The following ATF6 variants were observed in gnomAD, a reference collection of about 807,000 sequenced individuals.
ATF6 encodes cyclic AMP-dependent transcription factor ATF-6 alpha.
ATF6 carries 53 observed loss-of-function variants against 83.6 expected under a neutral mutation model. The ratio of observed to expected loss-of-function variants is 0.63; its 90% CI spans 0.51 to 0.80. The LOEUF (loss-of-function observed/expected upper bound fraction) is 0.80. ATF6 is among the 30% of genes least tolerant of loss of function. The pLI is 0.00. For missense variants in ATF6, 744 were observed against 797.9 expected (o/e 0.93, Z 0.81); for synonymous variants, 288 against 285.8 (o/e 1.01, Z -0.08).
Position 161,781,910 on chromosome 1 carries a change from A to G in ATF6, c.160-2A>G, listed in dbSNP as rs1296658045. On this transcript the variant is annotated splice_acceptor_variant, in intron 2 of 15. Transcript: ENST00000367942. LOFTEE classifies it high-confidence loss of function. ...ATTCTTTTGCTGATTTGAAACCTAC[A>G]GGAAAACAATTTTGATAATCTTGAT... 1.4e-5 allele frequency: 22 copies of G among 1,598,134 alleles called. No homozygotes were observed. The highest frequency in any genetic ancestry group is 1.7e-5 in the Non-Finnish European group (20 of 1,170,046).
intron 4 of ATF6, among the ~76,000 whole-genome samples, chr1:161,786,781 T>C (rs1359980981): frequency 6.6e-6 from 1 of 152,204 alleles, no homozygotes; most frequent in African/African-American, 2.4e-5. Flanking sequence ...AAATAAACAT[T>C]AATATGTTAC....
rs1684899820 is a variant in ATF6 at position 161,792,253 on chromosome 1, T to C, written c.614T>C (p.Ile205Thr). The C allele has an allele frequency of 6.2e-7, 1 of 1,614,020 alleles. No individual in the cohort carries two copies. The highest frequency in any genetic ancestry group is 1.3e-5 in the African/African-American group (1 of 74,928). Reference protein sequence around the residue: ...NSSVPAKTIIIQTVPTLMPLA... With the variant: ...NSSVPAKTIITQTVPTLMPLA... ...AGTGTTCCAGCAAAAACCATCATTA[T>C]TCAGACAGTACCAACGCTTATGCCA... Residue 205 changes from isoleucine to threonine, a missense_variant, in exon 6 of 16, where the codon ATT (isoleucine) becomes ACT (threonine). Ile to Thr is a moderately conservative substitution (Grantham distance 89). Transcript: ENST00000367942.
chr1:161,923,146 C>A (rs10753679), intron 15 of ATF6, among the ~76,000 whole-genome samples: 96,098 of 151,950 alleles, frequency 0.63, 32,113 homozygotes, highest in Non-Finnish European at 0.75. Flanking sequence ...TCCACTGAAC[C>A]TCCTTAATGT....
intron 15 of ATF6, among the ~76,000 whole-genome samples, chr1:161,936,357 A>G (rs1488520648): frequency 6.6e-6 from 1 of 152,132 alleles, no homozygotes; most frequent in Admixed American, 6.5e-5. Flanking sequence ...TTTATGGGGT[A>G]TGTGACATGT....
intron 10 of ATF6, among the ~76,000 whole-genome samples, 187 bp from the exon 11 acceptor site, chr1:161,851,535 T>C (rs1207273701): frequency 1.3e-5 from 2 of 152,222 alleles, no homozygotes; most frequent in Non-Finnish European, 2.9e-5. Context: ...ATCCTGTCTC[T>C]GTAGAAAATC....
rs1032980723 is a variant in ATF6, at chr1:161,960,470, T to G, written c.*1816T>G. The G allele has an allele frequency of 3.3e-5, 5 of 152,234 alleles. No homozygotes were observed. The highest frequency in any genetic ancestry group is 6.5e-5 in the Admixed American group (1 of 15,278). 9.4% of individuals were successfully genotyped at this position (152,234 alleles called of 1,614,324 possible). On this transcript the variant is annotated 3_prime_UTR_variant, in exon 16 of 16. Coordinates refer to ENST00000367942, the MANE Select transcript of ATF6 (RefSeq NM_007348.4). ...TGTGAAATTAGGTCTGGCTCCTAAA[T>G]AATTTTAAAGAACCATCAGCACTTC...
Position 161,962,841 on chromosome 1 carries a change from C to T in ATF6, c.*4187C>T, listed in dbSNP as rs776263706. On this transcript the variant is annotated 3_prime_UTR_variant, in exon 16 of 16. Coordinates refer to ENST00000367942, the MANE Select transcript of ATF6 (RefSeq NM_007348.4). ...GCCAAAATTGATAGACACTTATTACCACCTGTGGACTCCATATTCCTTACC... is the reference window on the plus strand; with the variant it reads ...GCCAAAATTGATAGACACTTATTACTACCTGTGGACTCCATATTCCTTACC... 4 of 152,194 alleles carry T rather than the reference C, an allele frequency of 2.6e-5. No homozygotes were observed. The highest frequency in any genetic ancestry group is 6.5e-5 in the Admixed American group (1 of 15,282). The allele number at this position is 152,194 out of a possible 1,614,324, so 9.4% of individuals were successfully genotyped here.
At chr1:161,918,571 G>A (rs568950849) in intron 15 of ATF6, among the ~76,000 whole-genome samples, 2 of 152,256 alleles carry the variant, frequency 1.3e-5, no homozygotes, top group Non-Finnish European at 2.9e-5. Context: ...TTTAAGTTAT[G>A]TAGGCACAAA....
intron 1 of ATF6, among the ~76,000 whole-genome samples, chr1:161,772,721 G>A (rs1174173893): frequency 6.8e-6 from 1 of 147,684 alleles, no homozygotes. Flanking sequence ...GTTTCTCCTA[G>A]AAGTACTGTT....
At chr1:161,929,164 G>A (rs901535566) in intron 15 of ATF6, among the ~76,000 whole-genome samples, 1 of 152,160 alleles carries the variant, frequency 6.6e-6, no homozygotes, top group African/African-American at 2.4e-5. Flanking sequence ...CTACTTTTTA[G>A]GTGCTGTGTA....
intron 10 of ATF6, among the ~76,000 whole-genome samples, chr1:161,847,845 A>C (rs1686520317): frequency 6.6e-6 from 1 of 152,126 alleles, no homozygotes; most frequent in South Asian, 2.1e-4. Context: ...TGAATGCTTG[A>C]AATTACAGTT....
chr1:161,799,278 A>G (rs1484056369), intron 6 of ATF6, among the ~76,000 whole-genome samples: 1 of 152,228 alleles, frequency 6.6e-6, no homozygotes, highest in Non-Finnish European at 1.5e-5. Context: ...TGTTCTTTGC[A>G]GCAACATGGA....
chr1:161,903,812 T>G (rs1309308363), intron 14 of ATF6, among the ~76,000 whole-genome samples: 11 of 152,068 alleles, frequency 7.2e-5, no homozygotes, highest in Admixed American at 5.2e-4. Context: ...AGCTCCAGAG[T>G]CCATCCTTTT....
intron 10 of ATF6, among the ~76,000 whole-genome samples, 195 bp from the exon 11 acceptor site, chr1:161,851,527 C>A: frequency 6.6e-6 from 1 of 152,154 alleles, no homozygotes; most frequent in South Asian, 2.1e-4. Context: ...GAATTACCAT[C>A]CTGTCTCTGT....
rs566533189 is a variant in ATF6, at chr1:161,946,928, G to A, written c.1805-11518G>A. 2.6e-5 allele frequency among the ~76,000 whole-genome samples: 4 copies of A among 152,202 alleles called. No homozygotes were observed. In the South Asian group the frequency reaches 6.2e-4, roughly 24 times the overall value. ...CATTTATTCATCAGAGCATTTTATG[G>A]TTAATTCACTGTTCAATTTTCTAAA... On this transcript the variant is annotated intron_variant, in intron 15 of 15. Coordinates refer to ENST00000367942, the MANE Select transcript of ATF6 (RefSeq NM_007348.4).
intron 14 of ATF6, among the ~76,000 whole-genome samples, chr1:161,885,612 AG>A (rs1198249365): frequency 1.3e-5 from 2 of 152,000 alleles, no homozygotes; most frequent in African/African-American, 2.4e-5. Context: ...TTTTTTTCAG[AG>A]GAAAAAAGAA....
intron 9 of ATF6, among the ~76,000 whole-genome samples, chr1:161,846,022 GACTTTTA>G (rs1407122163): frequency 6.6e-6 from 1 of 151,998 alleles, no homozygotes; most frequent in African/African-American, 2.4e-5. Flanking sequence ...CAATGAATTT[GACTTTTA>G]TTCCTACTTC....
intron 14 of ATF6, among the ~76,000 whole-genome samples, chr1:161,867,831 C>T (rs1687038789): frequency 1.3e-5 from 2 of 152,166 alleles, no homozygotes; most frequent in Admixed American, 1.3e-4. Context: ...CATATGACTG[C>T]CTGAGAGATG....
chr1:161,929,799 G>GA (rs1688394602), intron 15 of ATF6, among the ~76,000 whole-genome samples: 1 of 152,236 alleles, frequency 6.6e-6, no homozygotes, highest in Admixed American at 6.5e-5. Context: ...CACAGTTAGT[G>GA]AAAGGCTAGG....
Sources: allele counts gnomAD v4.1 joint callset (sites outside exome capture counted in the v4.1 genomes callset), GRCh38; gene constraint gnomAD v4.1.1; transcripts MANE v1.5; gene names NCBI Gene and HGNC (gene_info 2026-07-23, HGNC 2026-07-21).